Variants in ARMC9 observed in about 807,000 individuals in gnomAD.
ARMC9 encodes lisH domain-containing protein ARMC9.
Under a neutral mutation model 107.0 loss-of-function variants are expected in ARMC9, and 94 were observed. The ratio of observed to expected loss-of-function variants is 0.88; its 90% CI spans 0.74 to 1.04. ARMC9 has a LOEUF of 1.04. ARMC9 is among the 50% of genes least tolerant of loss of function. ARMC9 has a pLI of 0.00. For missense variants in ARMC9, 942 were observed against 1,030.1 expected, an observed-to-expected ratio of 0.91 and a Z score of 1.17; for synonymous variants, 380 against 396.9, an observed-to-expected ratio of 0.96 and a Z score of 0.51.
At chr2:231,222,071 G>A (rs960465185) in intron 5 of ARMC9, among the ~76,000 whole-genome samples, 3 of 152,012 alleles carry the variant, frequency 2.0e-5, no homozygotes, top group Non-Finnish European at 4.4e-5. Context: ...TCTTGGTTTG[G>A]GTGGAAGATA....
intron 9 of ARMC9, among the ~76,000 whole-genome samples, chr2:231,246,366 C>T (rs958185942): frequency 3.3e-5 from 5 of 152,170 alleles, no homozygotes; most frequent in South Asian, 2.1e-4. Context: ...TACCCTCCCC[C>T]GCCAATAGTT....
At chr2:231,247,306 A>C (rs1284926092) in intron 9 of ARMC9, among the ~76,000 whole-genome samples, 3 of 152,208 alleles carry the variant, frequency 2.0e-5, no homozygotes, top group African/African-American at 7.2e-5. Context: ...TAGAGACTAT[A>C]GCATTAAATG....
At chr2:231,363,329 T>C (rs567632038) in intron 23 of ARMC9, among the ~76,000 whole-genome samples, 1 of 152,350 alleles carries the variant, frequency 6.6e-6, no homozygotes, top group Non-Finnish European at 1.5e-5. Context: ...AGGTGAGGTC[T>C]CATACCCAGA....
chr2:231,327,138 G>A lies in ARMC9; in HGVS notation c.1774-4655G>A, dbSNP rs138402403. 6.8e-4 allele frequency among the ~76,000 whole-genome samples: 103 copies of A among 152,266 alleles called. 1 individual carries two copies. Among genetic ancestry groups the A allele is most frequent in the African/African-American group, 2.3e-3 (94 of 41,542 alleles). On this transcript the variant is annotated intron_variant, in intron 19 of 24. Coordinates refer to ENST00000611582, the MANE Select transcript of ARMC9 (RefSeq NM_001352754.2). ...TGCAAAGGACAGTCTAAGGTTGGCC[G>A]GAAGCTTTGGCAGGGACGAGGAAGG... is the stretch of plus-strand genomic sequence containing the variant.
intron 17 of ARMC9, among the ~76,000 whole-genome samples, chr2:231,286,825 A>G (rs374230966): frequency 6.6e-6 from 1 of 152,252 alleles, no homozygotes; most frequent in Non-Finnish European, 1.5e-5. Flanking sequence ...AAATGCTATT[A>G]TAGTAATCTT....
At chr2:231,212,747 G>T (rs1283100637) in intron 3 of ARMC9, among the ~76,000 whole-genome samples, 1 of 152,216 alleles carries the variant, frequency 6.6e-6, no homozygotes, top group Non-Finnish European at 1.5e-5. Flanking sequence ...CTTCCAAGGG[G>T]TGCCTGCATT....
At position 231,201,326 on chromosome 2, in the gene ARMC9, T is replaced by C. The variant is rs113881495; in HGVS notation, c.-42+2628T>C. Among the ~76,000 whole-genome samples the C allele has an allele frequency of 6.0e-4, 91 of 152,314 alleles. 1 individual carries two copies. Among genetic ancestry groups the C allele is most frequent in the African/African-American group, 2.0e-3 (85 of 41,566 alleles). On this transcript the variant is annotated intron_variant, in intron 1 of 24. Coordinates refer to ENST00000611582, the MANE Select transcript of ARMC9 (RefSeq NM_001352754.2). ...TACCCCTTGCCAGCCCTCCCTGAGG[T>C]AGCCACTTCCCAGGGCAAGTCTCTC...
rs181066439 is a variant in ARMC9, at chr2:231,359,691, C to A, written c.2132-1063C>A. 3.3e-5 allele frequency among the ~76,000 whole-genome samples: 5 copies of A among 152,278 alleles called. No homozygotes were observed. In the East Asian group the frequency reaches 9.7e-4, roughly 29 times the overall value. On this transcript the variant is annotated intron_variant, in intron 22 of 24. Coordinates refer to ENST00000611582, the MANE Select transcript of ARMC9 (RefSeq NM_001352754.2). The stretch of plus-strand genomic sequence containing the variant: ...CTTCACTCAAGTATTCTCTTGTACA[C>A]CTACGCTTTTTCTCCTGGCCTTATT...
intron 23 of ARMC9, 119 bp downstream of exon 23, chr2:231,361,002 C>T (rs1359847774): frequency 1.4e-6 from 2 of 1,387,750 alleles, no homozygotes; most frequent in Non-Finnish European, 1.9e-6. Context: ...CAGCCTCTGA[C>T]AGGGGAGGCT....
chr2:231,266,449 CTT>C (rs1305757295), intron 12 of ARMC9, among the ~76,000 whole-genome samples: 2 of 152,272 alleles, frequency 1.3e-5, no homozygotes, highest in Admixed American at 1.3e-4. Flanking sequence ...AAATATCTCT[CTT>C]CATATCTCTA....
intron 5 of ARMC9, among the ~76,000 whole-genome samples, chr2:231,217,376 G>C (rs2033627222): frequency 6.6e-6 from 1 of 152,140 alleles, no homozygotes; most frequent in Non-Finnish European, 1.5e-5. Flanking sequence ...TTGAGGCCAG[G>C]AGTTTGAGAC....
At chr2:231,237,028 T>C (rs1252079781) in intron 8 of ARMC9, among the ~76,000 whole-genome samples, 1 of 152,242 alleles carries the variant, frequency 6.6e-6, no homozygotes, top group Admixed American at 6.5e-5. Flanking sequence ...AGAACCGCGT[T>C]GTTTTGGTAA....
In ARMC9 at chr2:231,329,411, A is replaced by G. The variant is rs2043567353; in HGVS notation, c.1774-2382A>G. The stretch of plus-strand genomic sequence containing the variant: ...CTTCAACCTCCGCCTCCTGGGTTCA[A>G]GTGATCCTCCTGCCTCAGCCTCTGA... On this transcript the variant is annotated intron_variant, in intron 19 of 24. Coordinates refer to ENST00000611582, the MANE Select transcript of ARMC9 (RefSeq NM_001352754.2). Among the ~76,000 whole-genome samples the G allele has an allele frequency of 2.6e-5, 4 of 151,982 alleles. 1 individual carries two copies. The South Asian group carries it at 8.3e-4, about 32-fold the overall frequency.
rs1168503931 is a variant in ARMC9 at position 231,374,092 on chromosome 2, A to C, written c.*2557A>C. ...CAACAACTTATTCACAAATATTCCA[A>C]CTATCTACCAGCTCCAATGAGCTTG... is the stretch of plus-strand genomic sequence containing the variant. On this transcript the variant is annotated 3_prime_UTR_variant, in exon 25 of 25. Transcript: ENST00000611582. 2 of 152,192 alleles carry C rather than the reference A, an allele frequency of 1.3e-5. No homozygotes were observed. Among genetic ancestry groups the C allele is most frequent in the African/African-American group, 4.8e-5 (2 of 41,434 alleles). The allele number at this position is 152,192 out of a possible 1,614,324, so 9.4% of individuals were successfully genotyped here.
chr2:231,222,934 G>A (rs185296957), intron 6 of ARMC9, 114 bp downstream of exon 6: 1 of 612,142 alleles, frequency 1.6e-6, no homozygotes, highest in African/African-American at 1.9e-5. Context: ...ATAATTAATA[G>A]TGTTGCTTTC....
At chr2:231,287,939 G>A (rs1026932138) in intron 17 of ARMC9, among the ~76,000 whole-genome samples, 3 of 152,196 alleles carry the variant, frequency 2.0e-5, no homozygotes, top group African/African-American at 7.2e-5. Context: ...ACAGAGGCCG[G>A]AAGGTAGAGT....
intron 17 of ARMC9, among the ~76,000 whole-genome samples, chr2:231,286,395 G>A (rs529929285): frequency 4.6e-5 from 7 of 152,338 alleles, no homozygotes; most frequent in South Asian, 2.1e-4. Context: ...GATTACAGGC[G>A]TGAGCCACCG....
intron 22 of ARMC9, among the ~76,000 whole-genome samples, chr2:231,357,950 C>T (rs1238656481): frequency 6.6e-6 from 1 of 152,188 alleles, no homozygotes; most frequent in Non-Finnish European, 1.5e-5. Context: ...GCAGTTTCCT[C>T]TGGGTCATGA....
intron 9 of ARMC9, among the ~76,000 whole-genome samples, chr2:231,249,149 C>T (rs1226105347): frequency 1.3e-5 from 2 of 152,128 alleles, no homozygotes; most frequent in Admixed American, 6.5e-5. Context: ...CTCACTGGCC[C>T]GCGCACCCCT....
Sources: gnomAD v4.1 joint callset for allele counts (sites outside exome capture counted in the v4.1 genomes callset) on GRCh38, gnomAD v4.1.1 for gene constraint, MANE v1.5 for transcripts, NCBI Gene and HGNC (gene_info 2026-07-23, HGNC 2026-07-21) for gene names.